The following SPAG1 variants were observed in gnomAD, a reference collection of about 807,000 sequenced individuals.
SPAG1 encodes the protein sperm-associated antigen 1.
In SPAG1, 69 loss-of-function variants were observed where a neutral mutation model predicts 100.5. The observed-to-expected ratio is 0.69, with a 90% CI of 0.57 to 0.84. The LOEUF is 0.84. SPAG1 is among the 40% of genes least tolerant of loss of function. SPAG1 has a pLI of 0.00. For synonymous variants in SPAG1, 336 were observed against 411.6 expected (o/e 0.82, Z 2.22); for missense variants, 955 against 1,133.1 (o/e 0.84, Z 2.26).
chr8:100,188,266 C>A (rs1203443398), intron 8 of SPAG1, among the ~76,000 whole-genome samples: 1 of 152,148 alleles, frequency 6.6e-6, no homozygotes, highest in Non-Finnish European at 1.5e-5. Context: ...ATCCTCCCAC[C>A]TCAGCCTACC....
chr8:100,237,063 TTTG>T (rs1199485111), intron 16 of SPAG1, among the ~76,000 whole-genome samples: 3 of 152,000 alleles, frequency 2.0e-5, no homozygotes, highest in Non-Finnish European at 1.5e-5. Flanking sequence ...CATTTTCTGG[TTTG>T]TTGTTGTTAT....
chr8:100,176,206 G>C (rs1261906459), intron 3 of SPAG1, among the ~76,000 whole-genome samples: 1 of 152,080 alleles, frequency 6.6e-6, no homozygotes, highest in Non-Finnish European at 1.5e-5. Flanking sequence ...CATTTTAAAA[G>C]CCAAACCTTT....
At chr8:100,169,551 C>A (rs1222187009) in intron 3 of SPAG1, among the ~76,000 whole-genome samples, 4 of 152,166 alleles carry the variant, frequency 2.6e-5, no homozygotes, top group African/African-American at 7.2e-5. Flanking sequence ...CCAGACTGGC[C>A]AACGTGGCAA....
At chr8:100,215,569 C>T (rs773780466) in intron 12 of SPAG1, among the ~76,000 whole-genome samples, 11 of 152,308 alleles carry the variant, frequency 7.2e-5, no homozygotes, top group African/African-American at 2.2e-4. Context: ...GACAGAGTCT[C>T]GCTCTGTTGC....
chr8:100,197,260 C>A (rs1817074139), intron 10 of SPAG1, among the ~76,000 whole-genome samples: 1 of 152,028 alleles, frequency 6.6e-6, no homozygotes, highest in Non-Finnish European at 1.5e-5. Flanking sequence ...CAATCCCAGC[C>A]TGGGCAACAT....
At chr8:100,234,859 C>T (rs1818932590) in intron 16 of SPAG1, among the ~76,000 whole-genome samples, 1 of 152,074 alleles carries the variant, frequency 6.6e-6, no homozygotes, top group African/African-American at 2.4e-5. Context: ...GTGATGGAGC[C>T]TCCAGAGCAG....
chr8:100,234,848 G>A (rs1818931911), intron 16 of SPAG1, among the ~76,000 whole-genome samples: 1 of 152,158 alleles, frequency 6.6e-6, no homozygotes. Context: ...TAATTCTGAA[G>A]GTGATGGAGC....
rs138503542 is a variant in SPAG1, at chr8:100,191,434, C to T, written c.877C>T (p.Arg293Trp). The T allele has an allele frequency of 6.7e-4, 1,087 of 1,613,946 alleles. 5 individuals carry two copies. The African/African-American group carries it at 0.012, about 18-fold the overall frequency. Residue 293 changes from arginine (R) to tryptophan (W), a missense_variant, in exon 9 of 19, where the codon CGG (arginine) becomes TGG (tryptophan). Coordinates refer to ENST00000388798, the MANE Select transcript of SPAG1 (RefSeq NM_003114.5). ...TACATATAAACATCAAAACAAGCTCCGGGAAGCTACAGAAGATTTGAGTAA... is the reference window on the plus strand; with the variant it reads ...TACATATAAACATCAAAACAAGCTCTGGGAAGCTACAGAAGATTTGAGTAA... ...ATTYKHQNKL[R>W]EATEDLSKVL...
intron 14 of SPAG1, among the ~76,000 whole-genome samples, chr8:100,228,162 A>G (rs1055990764): frequency 6.6e-6 from 1 of 152,156 alleles, no homozygotes; most frequent in African/African-American, 2.4e-5. Flanking sequence ...TTGAAACATG[A>G]AACATGGGCA....
rs377653298 is a variant in SPAG1, at chr8:100,235,459, G to A, written c.2115+1922G>A. 4.8e-4 allele frequency among the ~76,000 whole-genome samples: 73 copies of A among 152,256 alleles called. 2 individuals carry two copies. In the South Asian group the frequency reaches 0.013, roughly 28 times the overall value. ...CAAATGTCTAGGGGAAGTGATGGAG[G>A]GGATGCCTCCCAGGTTCTGGCTGGG... On this transcript the variant is annotated intron_variant, in intron 16 of 18. Transcript: ENST00000388798.
At chr8:100,188,188 G>T (rs950548155) in intron 8 of SPAG1, among the ~76,000 whole-genome samples, 3 of 151,794 alleles carry the variant, frequency 2.0e-5, no homozygotes, top group African/African-American at 7.3e-5. Flanking sequence ...GTCTCACTCT[G>T]TCACCCAGCC....
In SPAG1 at chr8:100,231,213, A is replaced by G. The variant is rs1170034209; in HGVS notation, c.1913A>G (p.Asn638Ser). 6.2e-7 allele frequency: 1 copy of G among 1,607,578 alleles called. No homozygotes were observed. The highest frequency in any genetic ancestry group is 8.5e-7 in the Non-Finnish European group (1 of 1,175,308). The part of the protein sequence containing the change: ...EEGNQCVNDK[N>S]YKDALSKYSE... ...GGAAATCAATGTGTAAATGACAAAA[A>G]CTATAAAGACGCCCTCAGTAAATAC... The change falls in exon 15 of 19, where the codon AAC becomes AGC. Residue 638 changes from asparagine to serine, a missense_variant. By Grantham distance (46) the Asn-to-Ser change is conservative (BLOSUM62 1). Transcript: ENST00000388798.
At position 100,220,533 on chromosome 8, in the gene SPAG1, CT is replaced by C. The variant is rs1343052397; in HGVS notation, c.1688+106del. On this transcript the variant is annotated intron_variant, in intron 13 of 18. Coordinates refer to ENST00000388798, the MANE Select transcript of SPAG1 (RefSeq NM_003114.5). ...CAAAATATAGATGTGTTATCAGTTACTTTTATCACCTGAATGATTGCCTTCT... is the reference window on the plus strand; with the variant it reads ...CAAAATATAGATGTGTTATCAGTTACTTTATCACCTGAATGATTGCCTTCT... 4.3e-6 allele frequency: 4 copies of C among 921,604 alleles called. No individual in the cohort carries two copies. In the African/African-American group the frequency reaches 6.7e-5, roughly 16 times the overall value. 57.1% of individuals were successfully genotyped at this position (921,604 alleles called of 1,614,324 possible). A position where few individuals can be genotyped will look rare whatever the true frequency, so the allele number is the denominator to read the frequency against.
chr8:100,158,955 A>G (rs1366772505), intron 1 of SPAG1: 5 of 148,194 alleles, frequency 3.4e-5, no homozygotes, highest in Non-Finnish European at 6.0e-5. Context: ...CCTTCTCACT[A>G]CTGCACTTGA....
At position 100,240,888 on chromosome 8, in the gene SPAG1, T is replaced by G. The variant is rs1819241862; in HGVS notation, c.2650-3T>G. ...TGTTTTTTTTTTTTTTTGCTTCTTT[T>G]AGATGATGTTGACACTAATTAGCAA... On this transcript the variant is annotated splice_region_variant and splice_polypyrimidine_tract_variant and intron_variant, in intron 18 of 18. Coordinates refer to ENST00000388798, the MANE Select transcript of SPAG1 (RefSeq NM_003114.5). 6.3e-7 allele frequency: 1 copy of G among 1,580,596 alleles called. No individual in the cohort carries two copies. Among genetic ancestry groups the G allele is most frequent in the Non-Finnish European group, 8.5e-7 (1 of 1,170,752 alleles).
chr8:100,185,787 G>C (rs1399360518), intron 7 of SPAG1, among the ~76,000 whole-genome samples: 1 of 152,062 alleles, frequency 6.6e-6, no homozygotes, highest in African/African-American at 2.4e-5. Context: ...ATCTAAAGAA[G>C]TTTTCTCAGA....
chr8:100,191,287 T>A, intron 8 of SPAG1, 103 bp from the exon 9 acceptor site: 1 of 710,708 alleles, frequency 1.4e-6, no homozygotes, highest in South Asian at 1.8e-5. Context: ...GGTAATTACA[T>A]CCTAAAGTAT....
At chr8:100,168,704 T>TTTTTTTTTTTTTTTTTTA (rs1815683125) in intron 3 of SPAG1, among the ~76,000 whole-genome samples, 1 of 144,626 alleles carries the variant, frequency 6.9e-6, no homozygotes, top group African/African-American at 2.6e-5. Flanking sequence ...TTTTTGTTGT[T>TTTTTTTTTTTTTTTTTTA]GAGACAGAGC....
chr8:100,175,296 T>C (rs1415383606), intron 3 of SPAG1, among the ~76,000 whole-genome samples: 1 of 150,666 alleles, frequency 6.6e-6, no homozygotes, highest in East Asian at 1.9e-4. Flanking sequence ...TTTTTTTTTT[T>C]TTTTTTGAGA....
Sources: allele counts gnomAD v4.1 joint callset (sites outside exome capture counted in the v4.1 genomes callset), GRCh38; gene constraint gnomAD v4.1.1; transcripts MANE v1.5; gene names NCBI Gene and HGNC (gene_info 2026-07-23, HGNC 2026-07-21).